The following CD99 variants were observed in gnomAD, a reference collection of about 807,000 sequenced individuals.
CD99 encodes the protein CD99 antigen.
A neutral mutation model predicts 28.4 loss-of-function variants in CD99; 19 were observed. That is an observed-to-expected ratio of 0.67 (90% CI 0.47 to 0.98). CD99 has a LOEUF of 0.98. Ranked by LOEUF, CD99 falls within the 50% of genes least tolerant of loss-of-function variation. The probability of loss-of-function intolerance (pLI) is 0.00; values close to 1 mark genes in which losing one functional copy is unlikely to be tolerated. For synonymous variants in CD99, 103 were observed against 92.1 expected (o/e 1.12, Z -0.67); for missense variants, 283 against 248.8 (o/e 1.14, Z -0.92).
chrX:2,698,083 A>G (rs2047659088), intron 1 of CD99, among the ~76,000 whole-genome samples: 1 of 151,922 alleles, frequency 6.6e-6, no homozygotes, highest in Non-Finnish European at 1.5e-5. Flanking sequence ...ACAGCCACCT[A>G]TGGGAAGCGG....
chrX:2,700,094 G>A (rs1271863776), intron 1 of CD99, among the ~76,000 whole-genome samples: 1 of 152,162 alleles, frequency 6.6e-6, no homozygotes, highest in African/African-American at 2.4e-5. Context: ...CGTGGGCACA[G>A]GGGTTGCTGG....
intron 1 of CD99, among the ~76,000 whole-genome samples, chrX:2,713,967 G>T (rs2048565855): frequency 6.6e-6 from 1 of 152,138 alleles, no homozygotes; most frequent in Non-Finnish European, 1.5e-5. Flanking sequence ...GGGATTCCAT[G>T]AGATTTTTTT....
At chrX:2,733,766 G>A (rs1218595134) in intron 8 of CD99, 1 of 262,186 alleles carries the variant, frequency 3.8e-6, no homozygotes, top group Middle Eastern at 1.2e-3. Flanking sequence ...CTTCCCTGCA[G>A]TGTCCTAGGT....
chrX:2,694,892 C>T (rs1038007460), intron 1 of CD99, among the ~76,000 whole-genome samples: 1 of 152,094 alleles, frequency 6.6e-6, no homozygotes, highest in South Asian at 2.1e-4. Context: ...AATCATTTTT[C>T]TTCCTGAAGG....
chrX:2,728,771 GGAAGGCTTGTTTGCCAGGACAGGAT>G (rs1313675414), intron 8 of CD99, among the ~76,000 whole-genome samples: 3 of 151,292 alleles, frequency 2.0e-5, no homozygotes, highest in African/African-American at 7.3e-5. Context: ...CAGGAGGTAA[GGAAGGCTTGTTTGCCAGGACAGGAT>G]GCGTAATATT....
At chrX:2,706,968 G>A (rs1228835121) in intron 1 of CD99, among the ~76,000 whole-genome samples, 1 of 151,970 alleles carries the variant, frequency 6.6e-6, no homozygotes, top group African/African-American at 2.4e-5. Flanking sequence ...CTACGGGCGT[G>A]CACCACCACG....
intron 1 of CD99, among the ~76,000 whole-genome samples, chrX:2,709,587 C>T (rs2048292329): frequency 6.6e-6 from 1 of 152,278 alleles, no homozygotes; most frequent in African/African-American, 2.4e-5. Flanking sequence ...TACACCCACA[C>T]ATACGTGCAG....
intron 3 of CD99, chrX:2,717,909 G>T: frequency 4.3e-6 from 2 of 467,030 alleles, no homozygotes; most frequent in Admixed American, 3.5e-5. Context: ...CTAAGGGTCT[G>T]AGTTACTCTG....
chrX:2,736,238 C>T (rs1361625147), intron 8 of CD99, among the ~76,000 whole-genome samples: 3 of 150,460 alleles, frequency 2.0e-5, no homozygotes, highest in Non-Finnish European at 3.0e-5. Context: ...AGAAAAGTTA[C>T]GCTGCTGCAC....
In CD99 at chrX:2,737,241, G is replaced by A. The variant is rs181325365; in HGVS notation, c.476-959G>A. On this transcript the variant is annotated intron_variant, in intron 8 of 9. Transcript: ENST00000381192. ...CACCCACGCTGGAGTGCAGTGCCAC[G>A]ATCTCAGCTCACTGCAACCTCCACC... Among the ~76,000 whole-genome samples, 7 of 152,140 alleles carry A rather than the reference G, an allele frequency of 4.6e-5. No homozygotes were observed. In the South Asian group the frequency reaches 6.2e-4, roughly 14 times the overall value.
intron 9 of CD99, among the ~76,000 whole-genome samples, chrX:2,738,708 CAGTG>C (rs2050065659): frequency 1.3e-5 from 2 of 148,872 alleles, no homozygotes; most frequent in African/African-American, 2.5e-5. Context: ...CTGGGCGACA[CAGTG>C]AGACATGTTT....
chrX:2,732,442 CCTT>C lies in CD99; in HGVS notation c.476-5754_476-5752del, dbSNP rs905524651. ...GATGGGCGATTGGCTCTCCCTGTCTCCTTCTTTCTCTTTCTTCTTCTCTGCCTT... is the reference window on the plus strand; with the variant it reads ...GATGGGCGATTGGCTCTCCCTGTCTCCTTTCTCTTTCTTCTTCTCTGCCTT... On this transcript the variant is annotated intron_variant, in intron 8 of 9. Coordinates refer to ENST00000381192, the MANE Select transcript of CD99 (RefSeq NM_002414.5). Among the ~76,000 whole-genome samples, 17 of 152,156 alleles carry C rather than the reference CCTT, an allele frequency of 1.1e-4. No individual in the cohort carries two copies. The South Asian group carries it at 1.9e-3, about 17-fold the overall frequency.
intron 2 of CD99, among the ~76,000 whole-genome samples, chrX:2,716,081 C>T (rs979123590): frequency 2.0e-5 from 3 of 150,664 alleles, no homozygotes; most frequent in South Asian, 2.1e-4. Context: ...TGCAGTGGCA[C>T]GATCTCGGCT....
At chrX:2,719,406 G>A (rs1221885651) in intron 3 of CD99, 4 of 505,686 alleles carry the variant, frequency 7.9e-6, no homozygotes, top group Non-Finnish European at 1.4e-5. Flanking sequence ...TCTCCCCACT[G>A]CCTCTCCTCT....
At chrX:2,714,898 G>A (rs2048613862) in intron 2 of CD99, 1 of 156,518 alleles carries the variant, frequency 6.4e-6, no homozygotes, top group Admixed American at 6.4e-5. Flanking sequence ...CATAGATGAC[G>A]AGGAAAAGCA....
intron 1 of CD99, among the ~76,000 whole-genome samples, chrX:2,713,015 C>T (rs2048498543): frequency 6.6e-6 from 1 of 151,788 alleles, no homozygotes; most frequent in South Asian, 2.1e-4. Context: ...CACACAGGCA[C>T]AAACACACAA....
chrX:2,708,103 A>T (rs887822131), intron 1 of CD99, among the ~76,000 whole-genome samples: 2 of 144,008 alleles, frequency 1.4e-5, no homozygotes, highest in African/African-American at 5.5e-5. Context: ...CCATTTATAT[A>T]CACCTGGGGG....
chrX:2,723,532 T>TCC lies in CD99; in HGVS notation c.361+172_361+173dup, dbSNP rs3833674. The TCC allele has an allele frequency of 8.3e-6, 6 of 725,864 alleles. No homozygotes were observed. The Admixed American group carries it at 1.4e-4, about 17-fold the overall frequency. 45.0% of individuals were successfully genotyped at this position (725,864 alleles called of 1,614,324 possible). On this transcript the variant is annotated intron_variant, in intron 7 of 9. Coordinates refer to ENST00000381192, the MANE Select transcript of CD99 (RefSeq NM_002414.5). The stretch of plus-strand genomic sequence containing the variant: ...CTCCCAAGTGATGTAGCTGCAGAGG[T>TCC]CCCCCAGCAAACCAGCCCTGCTCCG...
At chrX:2,711,065 G>C (rs1192358100) in intron 1 of CD99, among the ~76,000 whole-genome samples, 1 of 150,184 alleles carries the variant, frequency 6.7e-6, no homozygotes, top group South Asian at 2.1e-4. Flanking sequence ...TAGAGACGGG[G>C]TTTCACCATG....
Sources: gnomAD v4.1 joint callset for allele counts (sites outside exome capture counted in the v4.1 genomes callset) on GRCh38, gnomAD v4.1.1 for gene constraint, MANE v1.5 for transcripts, NCBI Gene and HGNC (gene_info 2026-07-23, HGNC 2026-07-21) for gene names.